The following SH3PXD2A variants were observed in gnomAD, a reference collection of about 807,000 sequenced individuals.
The protein encoded by SH3PXD2A is SH3 and PX domain-containing protein 2A.
A neutral mutation model predicts 115.2 loss-of-function variants in SH3PXD2A; 32 were observed. The ratio of observed to expected loss-of-function variants is 0.28; its 90% CI spans 0.21 to 0.37. The LOEUF (loss-of-function observed/expected upper bound fraction) is 0.37, where lower values mean the gene tolerates loss of function less well. Among genes scored for constraint, SH3PXD2A ranks in the 10% least tolerant of loss-of-function variants. The pLI is 1.00. For synonymous variants in SH3PXD2A, 610 were observed against 629.1 expected (o/e 0.97, Z 0.45); for missense variants, 1,328 against 1,498.7 (o/e 0.89, Z 1.88).
At chr10:103,835,672 C>T (rs10883922) in intron 1 of SH3PXD2A, among the ~76,000 whole-genome samples, 9 of 152,082 alleles carry the variant, frequency 5.9e-5, no homozygotes, top group African/African-American at 1.4e-4. Context: ...GGCCGCCCCC[C>T]CAACCCCTCA....
At chr10:103,662,382 T>C (rs1407278639) in intron 7 of SH3PXD2A, among the ~76,000 whole-genome samples, 2 of 108,418 alleles carry the variant, frequency 1.8e-5, no homozygotes, top group Admixed American at 2.1e-4. Context: ...TAAAATATGA[T>C]GTGCTTTTTT....
intron 3 of SH3PXD2A, among the ~76,000 whole-genome samples, chr10:103,755,748 C>G (rs897802686): frequency 1.1e-4 from 17 of 152,220 alleles, no homozygotes; most frequent in African/African-American, 3.6e-4. Flanking sequence ...AGAACCACCC[C>G]CTACCCGCTG....
intron 2 of SH3PXD2A, among the ~76,000 whole-genome samples, chr10:103,790,355 C>T (rs145197994): frequency 0.022 from 3,355 of 152,022 alleles, 130 homozygotes; most frequent in African/African-American, 0.073. Context: ...CGGGGTTTCA[C>T]GTGTTAGCCA....
At chr10:103,611,704 G>T in intron 12 of SH3PXD2A, 74 bp from the exon 13 acceptor site, 1 of 1,151,094 alleles carries the variant, frequency 8.7e-7, no homozygotes, top group Non-Finnish European at 1.3e-6. Flanking sequence ...CCTTCCCTAG[G>T]TGAAACTAAC....
chr10:103,692,478 G>C lies in SH3PXD2A; in HGVS notation c.427+550C>G, dbSNP rs568364533. On this transcript the variant is annotated intron_variant, in intron 6 of 14. Transcript: ENST00000369774. ...GCCCCCACCTCCGCAGCAAGGACAC[G>C]CTCAGAGTTGGGGCAGGGAAGAAGG... 2.0e-5 allele frequency among the ~76,000 whole-genome samples: 3 copies of C among 152,322 alleles called. No homozygotes were observed. In the South Asian group the frequency reaches 6.2e-4, roughly 32 times the overall value.
intron 1 of SH3PXD2A, among the ~76,000 whole-genome samples, chr10:103,820,916 A>C (rs896747696): frequency 6.6e-6 from 1 of 152,208 alleles, no homozygotes; most frequent in Non-Finnish European, 1.5e-5. Flanking sequence ...CAATGTGTAC[A>C]GCCAAAACCA....
rs1348319373 is a variant in SH3PXD2A at position 103,760,395 on chromosome 10, C to A, written c.229+6699G>T. Among the ~76,000 whole-genome samples, 6 of 152,058 alleles carry A rather than the reference C, an allele frequency of 3.9e-5. No homozygotes were observed. The East Asian group carries it at 1.2e-3, about 29-fold the overall frequency. On this transcript the variant is annotated intron_variant, in intron 3 of 14. Coordinates refer to ENST00000369774, the MANE Select transcript of SH3PXD2A (RefSeq NM_001394015.1). ...ACCAGCCTAAGCAACATGATAAAAC[C>A]CCATCTCTACAAAAAAATACAAAAA...
At chr10:103,667,734 G>C (rs2037403031) in intron 7 of SH3PXD2A, among the ~76,000 whole-genome samples, 1 of 152,096 alleles carries the variant, frequency 6.6e-6, no homozygotes, top group African/African-American at 2.4e-5. Context: ...CCCCCAGCCT[G>C]AACCTCTGCT....
At chr10:103,742,228 G>A (rs778901858) in intron 3 of SH3PXD2A, among the ~76,000 whole-genome samples, 4 of 152,120 alleles carry the variant, frequency 2.6e-5, no homozygotes, top group African/African-American at 9.7e-5. Flanking sequence ...GCAGGGTCAC[G>A]CTCCCTCTGG....
At chr10:103,681,042 C>T (rs1341634416) in intron 6 of SH3PXD2A, among the ~76,000 whole-genome samples, 1 of 152,226 alleles carries the variant, frequency 6.6e-6, no homozygotes, top group Admixed American at 6.5e-5. Flanking sequence ...GAACCAGTGA[C>T]TTTCTGGCCG....
chr10:103,602,116 T>C lies in SH3PXD2A; in HGVS notation c.3102A>G (p.Glu1034=), dbSNP rs2036224043. Residue 1034 remains glutamate, a synonymous_variant, in exon 15 of 15, where the codon GAA becomes GAG. Coordinates refer to ENST00000369774, the MANE Select transcript of SH3PXD2A (RefSeq NM_001394015.1). The part of the protein sequence containing the change: ...AAAEAKGRLA[E]RAASQGSDSP... ...AGTCTGAACCCTGGCTGGCAGCCCG[T>C]TCGGCCAGGCGGCCCTTGGCCTCGG... The C allele has an allele frequency of 1.3e-6, 2 of 1,587,934 alleles. No homozygotes were observed. Among genetic ancestry groups the C allele is most frequent in the Non-Finnish European group, 1.7e-6 (2 of 1,164,628 alleles).
At chr10:103,649,141 A>C (rs1472602745) in intron 8 of SH3PXD2A, among the ~76,000 whole-genome samples, 1 of 152,144 alleles carries the variant, frequency 6.6e-6, no homozygotes, top group Non-Finnish European at 1.5e-5. Context: ...CCTAGGGGTA[A>C]GATGGAATCT....
intron 4 of SH3PXD2A, among the ~76,000 whole-genome samples, chr10:103,728,656 A>T (rs2038273037): frequency 6.6e-6 from 1 of 152,188 alleles, no homozygotes; most frequent in African/African-American, 2.4e-5. Context: ...TACCATCACA[A>T]AGCCTCTGAG....
intron 1 of SH3PXD2A, among the ~76,000 whole-genome samples, chr10:103,806,057 T>C (rs2039198883): frequency 6.6e-6 from 1 of 152,182 alleles, no homozygotes. Flanking sequence ...GTTCTTTCCT[T>C]GTTTGGCAAA....
At chr10:103,682,506 G>A (rs1161506502) in intron 6 of SH3PXD2A, among the ~76,000 whole-genome samples, 2 of 152,092 alleles carry the variant, frequency 1.3e-5, no homozygotes, top group African/African-American at 2.4e-5. Context: ...GCCTGTAATC[G>A]CAGCACTTTG....
intron 1 of SH3PXD2A, among the ~76,000 whole-genome samples, chr10:103,844,615 A>C (rs1192044692): frequency 6.6e-6 from 1 of 152,200 alleles, no homozygotes; most frequent in Non-Finnish European, 1.5e-5. Flanking sequence ...GGGTGCCCTG[A>C]AAAGGGACCA....
At chr10:103,753,008 T>C (rs1048866988) in intron 3 of SH3PXD2A, among the ~76,000 whole-genome samples, 5 of 152,158 alleles carry the variant, frequency 3.3e-5, no homozygotes, top group African/African-American at 1.2e-4. Flanking sequence ...ACAACATTGA[T>C]CAACCTCTAA....
At chr10:103,618,706 G>A (rs574739810) in intron 10 of SH3PXD2A, among the ~76,000 whole-genome samples, 1 of 152,364 alleles carries the variant, frequency 6.6e-6, no homozygotes, top group African/African-American at 2.4e-5. Context: ...GCTCAAAACA[G>A]CGGGATGCTG....
At chr10:103,622,652 A>C in intron 9 of SH3PXD2A, 99 bp from the exon 10 acceptor site, 3 of 456,886 alleles carry the variant, frequency 6.6e-6, no homozygotes, top group Non-Finnish European at 4.3e-6. Flanking sequence ...GAAGGGGCAC[A>C]GGGAGGGGAG....
Sources: allele counts gnomAD v4.1 joint callset (sites outside exome capture counted in the v4.1 genomes callset), GRCh38; gene constraint gnomAD v4.1.1; transcripts MANE v1.5; gene names NCBI Gene and HGNC (gene_info 2026-07-23, HGNC 2026-07-21).